SLC24A4: variants seen among roughly 807,000 people sequenced by gnomAD.
SLC24A4 encodes the protein sodium/potassium/calcium exchanger 4.
Under a neutral mutation model 79.0 loss-of-function variants are expected in SLC24A4, and 53 were observed. That is an observed-to-expected ratio of 0.67 (90% CI 0.54 to 0.84). SLC24A4 has a LOEUF of 0.84. SLC24A4 is among the 40% of genes least tolerant of loss of function. SLC24A4 has a pLI of 0.00. For synonymous variants in SLC24A4, 323 were observed against 323.8 expected (o/e 1.00, Z 0.03); for missense variants, 731 against 822.0 (o/e 0.89, Z 1.35).
At chr14:92,359,249 A>G (rs973920507) in intron 2 of SLC24A4, among the ~76,000 whole-genome samples, 1 of 152,158 alleles carries the variant, frequency 6.6e-6, no homozygotes, top group Admixed American at 6.5e-5. Flanking sequence ...ATCCACTCTT[A>G]ACACAGCCAG....
chr14:92,460,015 A>G (rs1348579957), intron 12 of SLC24A4, among the ~76,000 whole-genome samples: 3 of 152,124 alleles, frequency 2.0e-5, no homozygotes, highest in African/African-American at 4.8e-5. Context: ...TCACAGGACC[A>G]GGGGAGGAAT....
At chr14:92,486,018 G>A (rs1895336000) in intron 13 of SLC24A4, among the ~76,000 whole-genome samples, 2 of 152,200 alleles carry the variant, frequency 1.3e-5, no homozygotes, top group South Asian at 4.1e-4. Flanking sequence ...TATGCAAGAT[G>A]TGCCCACCTC....
chr14:92,325,458 G>T (rs929982540), intron 1 of SLC24A4, among the ~76,000 whole-genome samples: 1 of 152,186 alleles, frequency 6.6e-6, no homozygotes, highest in African/African-American at 2.4e-5. Context: ...AGGAGCACTG[G>T]GCCAGACCGC....
intron 2 of SLC24A4, among the ~76,000 whole-genome samples, chr14:92,339,903 A>C (rs1474207096): frequency 6.6e-6 from 1 of 152,244 alleles, no homozygotes; most frequent in Non-Finnish European, 1.5e-5. Flanking sequence ...GTTATTGCAA[A>C]GAGTCTTAGG....
intron 2 of SLC24A4, among the ~76,000 whole-genome samples, chr14:92,326,744 A>C (rs1245918917): frequency 6.6e-6 from 1 of 151,998 alleles, no homozygotes; most frequent in African/African-American, 2.4e-5. Flanking sequence ...TGTGAGGAGG[A>C]TCTGGGGGGA....
At chr14:92,358,423 C>T (rs137869925) in intron 2 of SLC24A4, among the ~76,000 whole-genome samples, 73 of 152,230 alleles carry the variant, frequency 4.8e-4, no homozygotes, top group African/African-American at 1.4e-3. Flanking sequence ...CTGAACTACA[C>T]GCCATCTGTA....
At chr14:92,366,198 G>C (rs967445364) in intron 2 of SLC24A4, among the ~76,000 whole-genome samples, 1 of 152,178 alleles carries the variant, frequency 6.6e-6, no homozygotes, top group African/African-American at 2.4e-5. Context: ...GGACACCCTG[G>C]CCCTTCCCCT....
chr14:92,388,241 C>T (rs1889274041), intron 2 of SLC24A4, among the ~76,000 whole-genome samples: 1 of 152,182 alleles, frequency 6.6e-6, no homozygotes, highest in Non-Finnish European at 1.5e-5. Context: ...CCCGTTAAAG[C>T]CTGAGAGACC....
At chr14:92,357,457 G>A (rs1164097749) in intron 2 of SLC24A4, among the ~76,000 whole-genome samples, 1 of 152,216 alleles carries the variant, frequency 6.6e-6, no homozygotes, top group Non-Finnish European at 1.5e-5. Flanking sequence ...TCTGTCAGTG[G>A]ATGAATGGCT....
Position 92,482,816 on chromosome 14 carries a change from C to T in SLC24A4, c.1392C>T (p.Ile464=), listed in dbSNP as rs367903340. The T allele has an allele frequency of 2.0e-5, 32 of 1,613,392 alleles. No individual in the cohort carries two copies. Among genetic ancestry groups the T allele is most frequent in the African/African-American group, 1.3e-4 (10 of 74,900 alleles). Residue 464 remains isoleucine (I), a synonymous_variant, in exon 13 of 17, where the codon ATC becomes ATT. Coordinates refer to ENST00000532405, the MANE Select transcript of SLC24A4 (RefSeq NM_153646.4). ...MVTFITATLW[I]AVFSYIMVWL... ...CCTTCATCACCGCCACGCTGTGGAT[C>T]GCTGTGTTCTCCTACATCATGGTGT...
chr14:92,465,536 G>A (rs956641708), intron 12 of SLC24A4, among the ~76,000 whole-genome samples: 4 of 152,168 alleles, frequency 2.6e-5, no homozygotes, highest in African/African-American at 9.7e-5. Flanking sequence ...AGTGGTCCCT[G>A]GAATGGGGTT....
intron 2 of SLC24A4, among the ~76,000 whole-genome samples, chr14:92,421,896 G>A (rs1891302974): frequency 6.6e-6 from 1 of 152,160 alleles, no homozygotes; most frequent in Non-Finnish European, 1.5e-5. Flanking sequence ...CATTTGGAAA[G>A]GGGCCCTGGA....
intron 7 of SLC24A4, among the ~76,000 whole-genome samples, chr14:92,444,680 C>A (rs571628697): frequency 1.3e-5 from 2 of 152,180 alleles, no homozygotes; most frequent in East Asian, 3.9e-4. Flanking sequence ...CATGGTGAAA[C>A]CTTGTCTCTA....
intron 16 of SLC24A4, 108 bp from the exon 17 acceptor site, chr14:92,493,368 A>C: frequency 7.3e-7 from 1 of 1,366,952 alleles, no homozygotes; most frequent in Non-Finnish European, 1.0e-6. Context: ...ACTTGCCCAC[A>C]TTCTGCAGAA....
At chr14:92,372,916 CCTTT>C (rs1258593126) in intron 2 of SLC24A4, among the ~76,000 whole-genome samples, 58 of 113,106 alleles carry the variant, frequency 5.1e-4, no homozygotes, top group South Asian at 3.8e-3. Context: ...TTCCTTCCTT[CCTTT>C]CTTTCTCTTT....
At chr14:92,470,163 A>C (rs536581413) in intron 12 of SLC24A4, among the ~76,000 whole-genome samples, 3 of 152,322 alleles carry the variant, frequency 2.0e-5, no homozygotes, top group East Asian at 3.9e-4. Context: ...GGAACTTGTT[A>C]GAAACACAAA....
chr14:92,371,928 C>A (rs571961887), intron 2 of SLC24A4, among the ~76,000 whole-genome samples: 1 of 152,290 alleles, frequency 6.6e-6, no homozygotes, highest in African/African-American at 2.4e-5. Context: ...GGTGCAGCCT[C>A]CCATCTTCTC....
At chr14:92,361,508 A>G (rs1887521091) in intron 2 of SLC24A4, among the ~76,000 whole-genome samples, 3 of 152,154 alleles carry the variant, frequency 2.0e-5, no homozygotes, top group Non-Finnish European at 2.9e-5. Context: ...AAAGGAAAAA[A>G]AAAAATGAAG....
chr14:92,386,469 G>A lies in SLC24A4; in HGVS notation c.242-47443G>A, dbSNP rs145512919. ...GAGTGCCTACAATCTGCGGGGTGCC[G>A]GGGGATCCAGCCAGGAGCAAGAAAG... is the stretch of plus-strand genomic sequence containing the variant. On this transcript the variant is annotated intron_variant, in intron 2 of 16. Coordinates refer to ENST00000532405, the MANE Select transcript of SLC24A4 (RefSeq NM_153646.4). 4.2e-3 allele frequency among the ~76,000 whole-genome samples: 638 copies of A among 152,206 alleles called. 4 individuals carry two copies. Among genetic ancestry groups the A allele is most frequent in the African/African-American group, 0.014 (584 of 41,510 alleles).
Sources: gnomAD v4.1 joint callset for allele counts (sites outside exome capture counted in the v4.1 genomes callset) on GRCh38, gnomAD v4.1.1 for gene constraint, MANE v1.5 for transcripts, NCBI Gene and HGNC (gene_info 2026-07-23, HGNC 2026-07-21) for gene names.